COL1A2: variants seen among roughly 807,000 people sequenced by gnomAD.
COL1A2 encodes the protein collagen alpha-2(I) chain.
Under a neutral mutation model 174.3 loss-of-function variants are expected in COL1A2, and 49 were observed. That is an observed-to-expected ratio of 0.28 (90% CI 0.22 to 0.36). The LOEUF is 0.36. Among genes scored for constraint, COL1A2 ranks in the 10% least tolerant of loss-of-function variants. The probability of loss-of-function intolerance (pLI) is 1.00; values close to 1 mark genes in which losing one functional copy is unlikely to be tolerated. For synonymous variants in COL1A2, 655 were observed against 606.6 expected (o/e 1.08, Z -1.17); for missense variants, 1,438 against 1,822.7 (o/e 0.79, Z 3.84).
intron 30 of COL1A2, 73 bp from the exon 31 acceptor site, chr7:94,416,331 TA>T: frequency 7.6e-7 from 1 of 1,313,628 alleles, no homozygotes; most frequent in Non-Finnish European, 1.1e-6. Context: ...TACACAAATG[TA>T]AACTCTCATA....
chr7:94,421,059 C>T lies in COL1A2; in HGVS notation c.2346C>T (p.Pro782=). The change falls in exon 38 of 52, where the codon CCC becomes CCT. Residue 782 remains proline, a synonymous_variant. Coordinates refer to ENST00000297268, the MANE Select transcript of COL1A2 (RefSeq NM_000089.4). The part of the protein sequence containing the change: ...GPAGSRGDGG[P]PGMTGFPGAA... ...CTGGAAGTCGTGGTGATGGAGGCCC[C>T]CCTGTGAGTATTTACAATGGACTCT... The T allele has an allele frequency of 3.1e-6, 5 of 1,614,032 alleles. No homozygotes were observed. The highest frequency in any genetic ancestry group is 3.4e-6 in the Non-Finnish European group (4 of 1,179,990).
At chr7:94,424,470 C>T (rs1275621537) in intron 41 of COL1A2, 27 bp downstream of exon 41, 5 of 1,589,078 alleles carry the variant, frequency 3.1e-6, no homozygotes, top group Non-Finnish European at 3.5e-6. Context: ...ATTCTGACTC[C>T]ATTAACATAA....
chr7:94,419,433 T>C, intron 33 of COL1A2, 65 bp from the exon 34 acceptor site: 1 of 1,567,670 alleles, frequency 6.4e-7, no homozygotes, highest in South Asian at 1.1e-5. Context: ...AAAAAAAGAA[T>C]GACAAGGTTC....
Position 94,400,238 on chromosome 7 carries a change from A to T in COL1A2, c.175A>T (p.Thr59Ser). The T allele has an allele frequency of 6.2e-7, 1 of 1,611,322 alleles. No individual in the cohort carries two copies. The highest frequency in any genetic ancestry group is 8.5e-7 in the Non-Finnish European group (1 of 1,179,700). ...PPGRDGEDGPTGPPGPPGPPG... is the reference protein window; with the variant it reads ...PPGRDGEDGPSGPPGPPGPPG... ...AGGCAGAGATGGTGAAGATGGTCCC[A>T]CAGGCCCTCCTGGTCCACCTGGTCC... Residue 59 changes from threonine (T) to serine (S), a missense_variant, in exon 5 of 52, where the codon ACA becomes TCA. By Grantham distance (58) the Thr-to-Ser change is moderately conservative (BLOSUM62 1). Coordinates refer to ENST00000297268, the MANE Select transcript of COL1A2 (RefSeq NM_000089.4).
intron 42 of COL1A2, 52 bp from the exon 43 acceptor site, chr7:94,425,557 TG>T: frequency 6.4e-7 from 1 of 1,561,676 alleles, no homozygotes; most frequent in Admixed American, 1.7e-5. Flanking sequence ...ACATAGGGGC[TG>T]GTAGGCAGCA....
intron 6 of COL1A2, among the ~76,000 whole-genome samples, chr7:94,404,220 T>C (rs1791748226): frequency 6.6e-6 from 1 of 152,234 alleles, no homozygotes; most frequent in Non-Finnish European, 1.5e-5. Flanking sequence ...TCATCTGCTG[T>C]ATAGAAGACA....
At chr7:94,404,641 CAG>C in intron 7 of COL1A2, 41 bp downstream of exon 7, 1 of 1,614,018 alleles carries the variant, frequency 6.2e-7, no homozygotes, top group South Asian at 1.1e-5. Context: ...TGTAAAAAGA[CAG>C]AGAATTAAGA....
intron 1 of COL1A2, 187 bp downstream of exon 1, chr7:94,395,288 A>G: frequency 1.4e-6 from 1 of 717,864 alleles, no homozygotes; most frequent in Non-Finnish European, 2.6e-6. Flanking sequence ...AAAACATAAA[A>G]GCCTTGCCAA....
chr7:94,417,390 C>A (rs572958768), intron 31 of COL1A2: 1 of 354,948 alleles, frequency 2.8e-6, no homozygotes, highest in Admixed American at 4.0e-5. Flanking sequence ...AGAGACTTAT[C>A]CTTGAAAAAT....
Position 94,430,508 on chromosome 7 carries a change from C to A in COL1A2, c.*115C>A. ...TCCTTCCATTTCTTCTGCACATCTA[C>A]TTGCTTAAATTGTGGGCAAAAGAGA... is the stretch of plus-strand genomic sequence containing the variant. On this transcript the variant is annotated 3_prime_UTR_variant, in exon 52 of 52. Coordinates refer to ENST00000297268, the MANE Select transcript of COL1A2 (RefSeq NM_000089.4). 9.0e-7 allele frequency: 1 copy of A among 1,115,314 alleles called. No homozygotes were observed. The highest frequency in any genetic ancestry group is 1.3e-6 in the Non-Finnish European group (1 of 759,772). The allele number at this position is 1,115,314 out of a possible 1,614,324, so 69.1% of individuals were successfully genotyped here.
chr7:94,418,669 A>C (rs1792092608), intron 33 of COL1A2, 117 bp downstream of exon 33: 1 of 819,122 alleles, frequency 1.2e-6, no homozygotes, highest in Non-Finnish European at 2.0e-6. Flanking sequence ...TAATAAAATA[A>C]TATTCCTTTC....
At chr7:94,408,043 C>T (rs1307435727) in intron 13 of COL1A2, 140 bp from the exon 14 acceptor site, 5 of 1,172,444 alleles carry the variant, frequency 4.3e-6, no homozygotes, top group Non-Finnish European at 6.2e-6. Context: ...AAATCCACTA[C>T]TGTTTAGTTG....
rs79051306 is a variant in COL1A2, at chr7:94,419,180, C to G, written c.2026-318C>G. ...TTTCTTTTGAATCACGTAGTTCTAA[C>G]AGTTTCAAACAAGGCTACTCATTTG... On this transcript the variant is annotated intron_variant, in intron 33 of 51. Transcript: ENST00000297268. Among the ~76,000 whole-genome samples, 2,451 of 151,302 alleles carry G rather than the reference C, an allele frequency of 0.016. 70 individuals are homozygous for G. Among genetic ancestry groups the G allele is most frequent in the African/African-American group, 0.055 (2,241 of 41,110 alleles).
At chr7:94,399,973 C>T (rs963652799) in intron 4 of COL1A2, 26 of 658,146 alleles carry the variant, frequency 4.0e-5, no homozygotes, top group Admixed American at 3.3e-4. Flanking sequence ...ATTCAATGGC[C>T]GAGATAGTTC....
chr7:94,409,287 G>A (rs1305592601), intron 16 of COL1A2, 35 bp from the exon 17 acceptor site: 1 of 1,567,070 alleles, frequency 6.4e-7, no homozygotes, highest in South Asian at 1.1e-5. Context: ...TTCATTATTT[G>A]CTGGTTAATT....
At chr7:94,402,926 C>T (rs535253325) in intron 6 of COL1A2, among the ~76,000 whole-genome samples, 13 of 152,162 alleles carry the variant, frequency 8.5e-5, no homozygotes, top group Non-Finnish European at 1.8e-4. Flanking sequence ...AATAATGTAC[C>T]TTTAATTGAC....
chr7:94,394,979 C>A lies in COL1A2; in HGVS notation c.-53C>A. On this transcript the variant is annotated 5_prime_UTR_variant, in exon 1 of 52. Transcript: ENST00000297268. Reference sequence around the variant, plus strand: ...CGCGCCCGCCAGGTGATACCTCCGCCGGTGACCCAGGGGCTCTGCGACACA... The same window carrying A: ...CGCGCCCGCCAGGTGATACCTCCGCAGGTGACCCAGGGGCTCTGCGACACA... 6.5e-7 allele frequency: 1 copy of A among 1,547,304 alleles called. No homozygotes were observed. Among genetic ancestry groups the A allele is most frequent in the Non-Finnish European group, 8.9e-7 (1 of 1,120,938 alleles).
In COL1A2 at chr7:94,409,424, A is replaced by G. The variant is rs984226405; in HGVS notation, c.891+4A>G. The G allele has an allele frequency of 3.7e-5, 60 of 1,613,932 alleles. No individual in the cohort carries two copies. The highest frequency in any genetic ancestry group is 5.1e-5 in the Non-Finnish European group (60 of 1,179,928). Reference sequence around the variant, plus strand: ...CTCCGGCCCCGTTGGACCTCCTGTAAGTAGCCACTGTCTTTAAACTTTATT... The same window carrying G: ...CTCCGGCCCCGTTGGACCTCCTGTAGGTAGCCACTGTCTTTAAACTTTATT... On this transcript the variant is annotated splice_donor_region_variant and intron_variant, in intron 17 of 51. Transcript: ENST00000297268.
In COL1A2 at chr7:94,417,808, A is replaced by G. The variant is rs781672171; in HGVS notation, c.1948A>G (p.Ile650Val). The change falls in exon 32 of 52, where the codon ATA (isoleucine) becomes GTA (valine). Residue 650 changes from isoleucine to valine, a missense_variant. Physicochemically the swap from Ile to Val is conservative, Grantham distance 29 (BLOSUM62 3). Transcript: ENST00000297268. ...CCCAGGAGAGAGGGGTGCTGCTGGC[A>G]TACCTGGAGGCAAGGGAGAAAAGGT... is the stretch of plus-strand genomic sequence containing the variant. ...GLPGERGAAGIPGGKGEKGEP... is the reference protein window; with the variant it reads ...GLPGERGAAGVPGGKGEKGEP... 1 of 1,602,606 alleles carries G rather than the reference A, an allele frequency of 6.2e-7. No individual in the cohort carries two copies. The highest frequency in any genetic ancestry group is 8.5e-7 in the Non-Finnish European group (1 of 1,174,456).
Sources: gnomAD v4.1 joint callset for allele counts (sites outside exome capture counted in the v4.1 genomes callset) on GRCh38, gnomAD v4.1.1 for gene constraint, MANE v1.5 for transcripts, NCBI Gene and HGNC (gene_info 2026-07-23, HGNC 2026-07-21) for gene names.